CLSTN2: variants seen among roughly 807,000 people sequenced by gnomAD.
The protein encoded by CLSTN2 is calsyntenin-2.
Under a neutral mutation model 101.2 loss-of-function variants are expected in CLSTN2, and 48 were observed. That is an observed-to-expected ratio of 0.47 (90% CI 0.38 to 0.60). CLSTN2 has a LOEUF of 0.60. Among genes scored for constraint, CLSTN2 ranks in the 20% least tolerant of loss-of-function variants. CLSTN2 has a pLI of 0.00. For missense variants in CLSTN2, 1,160 were observed against 1,238.2 expected (o/e 0.94, Z 0.95); for synonymous variants, 481 against 463.6 (o/e 1.04, Z -0.48).
chr3:140,363,055 A>G (rs2087746490), intron 2 of CLSTN2, among the ~76,000 whole-genome samples: 1 of 152,222 alleles, frequency 6.6e-6, no homozygotes, highest in African/African-American at 2.4e-5. Context: ...TATTATTTAT[A>G]GTAGCCCAAA....
intron 1 of CLSTN2, among the ~76,000 whole-genome samples, chr3:140,121,836 C>CAA (rs2009345564): frequency 6.6e-6 from 1 of 152,192 alleles, no homozygotes; most frequent in African/African-American, 2.4e-5. Context: ...CTCTGTCTTT[C>CAA]ATAGGCTGGA....
At chr3:140,456,460 G>A (rs550148398) in intron 6 of CLSTN2, among the ~76,000 whole-genome samples, 2 of 152,260 alleles carry the variant, frequency 1.3e-5, no homozygotes, top group South Asian at 4.2e-4. Context: ...GCCCAGTAAG[G>A]GTTCATAGGA....
chr3:140,019,820 A>T (rs143635719), intron 1 of CLSTN2, among the ~76,000 whole-genome samples: 1 of 152,110 alleles, frequency 6.6e-6, no homozygotes, highest in East Asian at 1.9e-4. Flanking sequence ...AGGCAAAATA[A>T]CCTTAAAGGA....
chr3:139,972,195 C>T (rs952572345), intron 1 of CLSTN2, among the ~76,000 whole-genome samples: 22 of 151,748 alleles, frequency 1.4e-4, no homozygotes, highest in African/African-American at 4.6e-4. Context: ...ACCTGGGAGG[C>T]GGAGGTTGCA....
intron 1 of CLSTN2, among the ~76,000 whole-genome samples, chr3:140,126,731 A>G (rs1047297949): frequency 6.6e-6 from 1 of 152,022 alleles, no homozygotes; most frequent in Admixed American, 6.6e-5. Flanking sequence ...CATCTTTTTC[A>G]GCTTTATTCT....
intron 1 of CLSTN2, among the ~76,000 whole-genome samples, chr3:140,154,873 T>C (rs1286541828): frequency 6.6e-6 from 1 of 152,058 alleles, no homozygotes; most frequent in Non-Finnish European, 1.5e-5. Flanking sequence ...CTCAATCTCC[T>C]GACCTCGTGA....
intron 2 of CLSTN2, among the ~76,000 whole-genome samples, chr3:140,234,512 AGAT>A (rs926558001): frequency 6.6e-6 from 1 of 152,184 alleles, no homozygotes; most frequent in African/African-American, 2.4e-5. Flanking sequence ...AGTGGAGAGT[AGAT>A]GAGTCATGTC....
At chr3:140,308,098 G>A (rs565868909) in intron 2 of CLSTN2, among the ~76,000 whole-genome samples, 3 of 152,266 alleles carry the variant, frequency 2.0e-5, no homozygotes, top group East Asian at 1.9e-4. Context: ...TGAACCTTAG[G>A]GGAAAGTATA....
chr3:140,282,711 G>T (rs543880482), intron 2 of CLSTN2, among the ~76,000 whole-genome samples: 3 of 152,108 alleles, frequency 2.0e-5, no homozygotes, highest in Non-Finnish European at 4.4e-5. Context: ...TTATAGAGTG[G>T]CCTGGTAATT....
intron 1 of CLSTN2, among the ~76,000 whole-genome samples, chr3:140,112,367 G>T (rs2350496): frequency 0.32 from 48,684 of 151,138 alleles, 8,943 homozygotes; most frequent in East Asian, 0.56. Flanking sequence ...GTGTGTGTGT[G>T]TGTTTTTTAC....
chr3:140,463,513 G>A (rs1933613943), intron 7 of CLSTN2, among the ~76,000 whole-genome samples: 1 of 152,210 alleles, frequency 6.6e-6, no homozygotes, highest in South Asian at 2.1e-4. Flanking sequence ...TAGAAAGGAA[G>A]TGAGAACCTT....
At chr3:140,173,959 T>G (rs1288884052) in intron 1 of CLSTN2, among the ~76,000 whole-genome samples, 1 of 152,228 alleles carries the variant, frequency 6.6e-6, no homozygotes, top group East Asian at 1.9e-4. Context: ...ATTTTCCCAT[T>G]GTCTTGGGGA....
In CLSTN2 at chr3:139,968,107, C is replaced by T. The variant is rs547565966; in HGVS notation, c.109+32624C>T. Among the ~76,000 whole-genome samples the T allele has an allele frequency of 8.5e-5, 13 of 152,266 alleles. No homozygotes were observed. The South Asian group carries it at 2.5e-3, about 29-fold the overall frequency. ...AGGTGAGAAGCCCAAATAAGACTCT[C>T]CTTTTGGACGGCCTATATACCCTGT... On this transcript the variant is annotated intron_variant, in intron 1 of 16. Transcript: ENST00000458420.
intron 1 of CLSTN2, among the ~76,000 whole-genome samples, chr3:140,006,979 CA>C (rs1358478094): frequency 4.6e-5 from 7 of 152,044 alleles, no homozygotes; most frequent in African/African-American, 1.4e-4. Flanking sequence ...CCATGATAAA[CA>C]AATGTCAAGA....
intron 1 of CLSTN2, among the ~76,000 whole-genome samples, chr3:139,995,679 C>T (rs1404844939): frequency 6.6e-6 from 1 of 152,110 alleles, no homozygotes; most frequent in East Asian, 1.9e-4. Flanking sequence ...CTGCCATGCC[C>T]ATGACAAGGA....
intron 1 of CLSTN2, among the ~76,000 whole-genome samples, chr3:140,075,667 G>A (rs574689106): frequency 6.6e-6 from 1 of 152,268 alleles, no homozygotes; most frequent in East Asian, 1.9e-4. Context: ...TTCACCTGGT[G>A]TCAAGAAGCT....
intron 1 of CLSTN2, among the ~76,000 whole-genome samples, chr3:140,022,843 C>A (rs2007346767): frequency 6.6e-6 from 1 of 152,172 alleles, no homozygotes; most frequent in Admixed American, 6.5e-5. Flanking sequence ...TCCAGACAGG[C>A]CCAGAATCAG....
chr3:140,120,077 A>G (rs2009314157), intron 1 of CLSTN2, among the ~76,000 whole-genome samples: 1 of 152,176 alleles, frequency 6.6e-6, no homozygotes, highest in South Asian at 2.1e-4. Context: ...GATGCCAGCT[A>G]GGTGTCTTCC....
chr3:140,202,770 T>C (rs2010733098), intron 2 of CLSTN2, among the ~76,000 whole-genome samples: 1 of 152,144 alleles, frequency 6.6e-6, no homozygotes, highest in African/African-American at 2.4e-5. Flanking sequence ...GAGTCAAGTG[T>C]CCAGAAGCAA....
Sources: gnomAD v4.1 joint callset for allele counts (sites outside exome capture counted in the v4.1 genomes callset) on GRCh38, gnomAD v4.1.1 for gene constraint, MANE v1.5 for transcripts, NCBI Gene and HGNC (gene_info 2026-07-23, HGNC 2026-07-21) for gene names.